KSR2: variants seen among roughly 807,000 people sequenced by gnomAD.
KSR2 encodes the protein kinase suppressor of ras 2.
KSR2 carries 25 observed loss-of-function variants against 107.8 expected under a neutral mutation model. The observed-to-expected ratio is 0.23, with a 90% CI of 0.17 to 0.32. The LOEUF is 0.32. Ranked by LOEUF, KSR2 falls within the 10% of genes least tolerant of loss-of-function variation. The pLI is 1.00. For synonymous variants in KSR2, 480 were observed against 507.0 expected (o/e 0.95, Z 0.71); for missense variants, 887 against 1,268.9 (o/e 0.70, Z 4.57).
At chr12:117,875,333 ATTT>A (rs56091034) in intron 1 of KSR2, among the ~76,000 whole-genome samples, 1,632 of 137,998 alleles carry the variant, frequency 0.012, 20 homozygotes, top group African/African-American at 0.031. Context: ...CTTAGGTGCT[ATTT>A]TTTTTTTTTT....
At position 117,761,383 on chromosome 12, in the gene KSR2, C is replaced by T; in HGVS notation, c.614G>A (p.Cys205Tyr). 6.2e-7 allele frequency: 1 copy of T among 1,606,276 alleles called. No individual in the cohort carries two copies. The highest frequency in any genetic ancestry group is 8.5e-7 in the Non-Finnish European group (1 of 1,177,940). ...GCTGGTGTGACAATAGTGCTGGACG[C>T]ACTTGGACGGGACCCTGGGGCTCTG... The part of the protein sequence containing the change: ...LSQSPRVPSK[C>Y]VQHYCHTSPT... Residue 205 changes from cysteine to tyrosine, a missense_variant, in exon 4 of 20, where the codon TGC becomes TAC. Around this residue, in one of 8 missense-constraint regions of KSR2, gnomAD observed 399 missense variants for 479.5 expected, o/e 0.83. Transcript: ENST00000339824.
rs142681020 is a variant in KSR2, at chr12:117,904,173, C to T, written c.181-43742G>A. Among the ~76,000 whole-genome samples, 206 of 152,276 alleles carry T rather than the reference C, an allele frequency of 1.4e-3. 1 individual carries two copies. Among genetic ancestry groups the T allele is most frequent in the African/African-American group, 4.7e-3 (195 of 41,550 alleles). ...ACGAACAAGAAATATGTCTGCAGCCCTGATGCTATACAAAGAAGCAAGAGC... is the reference window on the plus strand; with the variant it reads ...ACGAACAAGAAATATGTCTGCAGCCTTGATGCTATACAAAGAAGCAAGAGC... On this transcript the variant is annotated intron_variant, in intron 1 of 19. Coordinates refer to ENST00000339824, the MANE Select transcript of KSR2 (RefSeq NM_173598.6).
In KSR2 at chr12:117,688,172, G is replaced by A. The variant is rs540877950; in HGVS notation, c.987-20514C>T. Among the ~76,000 whole-genome samples the A allele has an allele frequency of 4.6e-5, 7 of 152,202 alleles. No individual in the cohort carries two copies. The East Asian group carries it at 1.2e-3, about 25-fold the overall frequency. On this transcript the variant is annotated intron_variant, in intron 4 of 19. Coordinates refer to ENST00000339824, the MANE Select transcript of KSR2 (RefSeq NM_173598.6). ...AGATGGGTGGATCACTTGAGGTCAG[G>A]AGTTCGATACCAGCCTGGCCAACAT...
In KSR2 at chr12:117,528,966, G is replaced by C. The variant is rs1305062834; in HGVS notation, c.1803-1847C>G. On this transcript the variant is annotated intron_variant, in intron 12 of 19. Coordinates refer to ENST00000339824, the MANE Select transcript of KSR2 (RefSeq NM_173598.6). Reference sequence around the variant, plus strand: ...TGCACAAATTGTAGAATTGGTTTATGTGAAGCAGAGAAATGATCTCGAGCT... The same window carrying C: ...TGCACAAATTGTAGAATTGGTTTATCTGAAGCAGAGAAATGATCTCGAGCT... Among the ~76,000 whole-genome samples the C allele has an allele frequency of 2.0e-5, 3 of 152,242 alleles. No homozygotes were observed. The East Asian group carries it at 5.8e-4, about 29-fold the overall frequency.
intron 3 of KSR2, among the ~76,000 whole-genome samples, chr12:117,762,328 C>T (rs1889065342): frequency 2.0e-5 from 3 of 152,162 alleles, no homozygotes; most frequent in South Asian, 4.2e-4. Context: ...CTTCCTCAGC[C>T]ACCGCATACT....
chr12:117,638,206 C>G (rs757098194), intron 5 of KSR2, among the ~76,000 whole-genome samples: 10 of 152,206 alleles, frequency 6.6e-5, no homozygotes, highest in Non-Finnish European at 1.0e-4. Flanking sequence ...TGCTCTCTTC[C>G]CACGTCTTCC....
intron 5 of KSR2, among the ~76,000 whole-genome samples, chr12:117,628,587 G>C (rs776192876): frequency 2.6e-5 from 4 of 152,112 alleles, no homozygotes; most frequent in South Asian, 4.1e-4. Context: ...CGTCCCAGAG[G>C]GGGAGCCACC....
In KSR2 at chr12:117,856,877, C is replaced by G. The variant is rs549955806; in HGVS notation, c.322-1299G>C. ...AAACTGATAGCCAGAAAGAAGAAAA[C>G]TGTCTCAGTACAAAAAATTATCTTC... On this transcript the variant is annotated intron_variant, in intron 2 of 19. Coordinates refer to ENST00000339824, the MANE Select transcript of KSR2 (RefSeq NM_173598.6). 7.9e-5 allele frequency among the ~76,000 whole-genome samples: 12 copies of G among 152,228 alleles called. No individual in the cohort carries two copies. In the South Asian group the frequency reaches 2.5e-3, roughly 32 times the overall value.
chr12:117,831,983 T>G (rs1891987087), intron 3 of KSR2, among the ~76,000 whole-genome samples: 1 of 152,300 alleles, frequency 6.6e-6, no homozygotes, highest in Admixed American at 6.5e-5. Context: ...TTTTTTCACC[T>G]CCTATAAAAC....
chr12:117,698,605 T>C (rs537169949), intron 4 of KSR2, among the ~76,000 whole-genome samples: 54 of 152,178 alleles, frequency 3.5e-4, no homozygotes, highest in Non-Finnish European at 6.6e-4. Flanking sequence ...GGATTACAGG[T>C]ATGAGCCACT....
At chr12:117,798,720 A>T (rs568276852) in intron 3 of KSR2, among the ~76,000 whole-genome samples, 34,800 of 119,858 alleles carry the variant, frequency 0.29, 4,509 homozygotes, top group Admixed American at 0.38. Flanking sequence ...AAAAAAAAAA[A>T]ATATATATAT....
intron 1 of KSR2, among the ~76,000 whole-genome samples, chr12:117,948,094 G>A (rs1360781132): frequency 6.6e-6 from 1 of 152,010 alleles, no homozygotes; most frequent in Non-Finnish European, 1.5e-5. Flanking sequence ...GAATAATAAA[G>A]GTGGAACTCA....
chr12:117,705,930 GTGACACC>G (rs1377150795), intron 4 of KSR2, among the ~76,000 whole-genome samples: 1 of 152,030 alleles, frequency 6.6e-6, no homozygotes, highest in Non-Finnish European at 1.5e-5. Flanking sequence ...AATGGGGCTG[GTGACACC>G]TGCCTCACAA....
intron 14 of KSR2, among the ~76,000 whole-genome samples, chr12:117,501,765 G>A (rs989806039): frequency 1.3e-5 from 2 of 152,162 alleles, no homozygotes; most frequent in Admixed American, 6.5e-5. Flanking sequence ...TGAACTACCC[G>A]CTGCCACCCA....
At chr12:117,916,135 CTTTT>C (rs34082573) in intron 1 of KSR2, among the ~76,000 whole-genome samples, 3 of 105,430 alleles carry the variant, frequency 2.8e-5, no homozygotes, top group Non-Finnish European at 3.6e-5. Context: ...ATTTCTTCTT[CTTTT>C]TTTTTTTTTT....
intron 4 of KSR2, among the ~76,000 whole-genome samples, chr12:117,711,075 T>C (rs1374248446): frequency 6.6e-6 from 1 of 152,214 alleles, no homozygotes. Context: ...GCACTCTACA[T>C]TTTCTTTCCT....
chr12:117,913,076 C>T (rs748253322), intron 1 of KSR2, among the ~76,000 whole-genome samples: 15 of 152,274 alleles, frequency 9.9e-5, no homozygotes, highest in Non-Finnish European at 1.5e-4. Context: ...ACAGGGAAAC[C>T]GTGACATCTC....
chr12:117,827,294 C>T (rs1440330423), intron 3 of KSR2, among the ~76,000 whole-genome samples: 6 of 152,220 alleles, frequency 3.9e-5, no homozygotes, highest in Non-Finnish European at 8.8e-5. Flanking sequence ...CCCTTTGCAG[C>T]TGCAGGGCTT....
At chr12:117,771,603 C>T (rs983614937) in intron 3 of KSR2, among the ~76,000 whole-genome samples, 2 of 152,136 alleles carry the variant, frequency 1.3e-5, no homozygotes, top group Non-Finnish European at 2.9e-5. Context: ...GGGCTAAATG[C>T]TCTAATTGCA....
Sources: allele counts gnomAD v4.1 joint callset (sites outside exome capture counted in the v4.1 genomes callset), GRCh38; gene constraint gnomAD v4.1.1; regional missense constraint gnomAD v4.1.1; transcripts MANE v1.5; gene names NCBI Gene and HGNC (gene_info 2026-07-23, HGNC 2026-07-21).